IQCK: variants seen among roughly 807,000 people sequenced by gnomAD.
IQCK encodes the protein IQ domain-containing protein K.
A neutral mutation model predicts 28.1 loss-of-function variants in IQCK; 29 were observed. The ratio of observed to expected loss-of-function variants is 1.03; its 90% confidence interval spans 0.77 to 1.41. The LOEUF (loss-of-function observed/expected upper bound fraction) is 1.41, where lower values mean the gene tolerates loss of function less well. IQCK is among the 40% of genes most tolerant of loss of function. The pLI is 0.00. For missense variants in IQCK, 359 were observed against 314.7 expected, an observed-to-expected ratio of 1.14 and a Z score of -1.07; for synonymous variants, 113 against 115.1, an observed-to-expected ratio of 0.98 and a Z score of 0.12.
intron 4 of IQCK, among the ~76,000 whole-genome samples, chr16:19,762,783 G>A (rs2055167639): frequency 6.6e-6 from 1 of 152,150 alleles, no homozygotes; most frequent in Non-Finnish European, 1.5e-5. Flanking sequence ...GGGAGGCCAA[G>A]GCAGGGCAGA....
At chr16:19,763,925 C>T (rs2055189266) in intron 5 of IQCK, 25 bp downstream of exon 5, 2 of 1,606,546 alleles carry the variant, frequency 1.2e-6, no homozygotes, top group African/African-American at 1.3e-5. Context: ...TCTGACTATT[C>T]AGTGATCCTA....
chr16:19,834,683 G>A (rs756883218), intron 9 of IQCK, among the ~76,000 whole-genome samples: 3 of 152,194 alleles, frequency 2.0e-5, no homozygotes, highest in Admixed American at 6.5e-5. Flanking sequence ...ACTAAAGCAA[G>A]AAACCAGGGT....
chr16:19,840,365 TAATA>T (rs1337621149), intron 9 of IQCK, among the ~76,000 whole-genome samples: 4 of 151,848 alleles, frequency 2.6e-5, no homozygotes, highest in African/African-American at 9.7e-5. Context: ...CAAAAAATAA[TAATA>T]AAGAAAGAAA....
At chr16:19,765,775 A>G (rs1317813572) in intron 6 of IQCK, among the ~76,000 whole-genome samples, 1 of 152,176 alleles carries the variant, frequency 6.6e-6, no homozygotes, top group African/African-American at 2.4e-5. Context: ...TTTATCCGCT[A>G]TGAAATGTAT....
In IQCK at chr16:19,726,825, T is replaced by C. The variant is rs149722212; in HGVS notation, c.182-3605T>C. Among the ~76,000 whole-genome samples, 1,374 of 152,256 alleles carry C rather than the reference T, an allele frequency of 9.0e-3. 22 individuals are homozygous for C. Among genetic ancestry groups the C allele is most frequent in the African/African-American group, 0.031 (1,307 of 41,558 alleles). On this transcript the variant is annotated intron_variant, in intron 1 of 7. Transcript: ENST00000564186. ...CCAGGCACTTCCCTTACCAAACATA[T>C]AGCCTATTAGAAAAGATAGTCATTA...
At chr16:19,784,250 TCTC>T (rs1487106931) in intron 6 of IQCK, among the ~76,000 whole-genome samples, 1 of 152,098 alleles carries the variant, frequency 6.6e-6, no homozygotes, top group Non-Finnish European at 1.5e-5. Flanking sequence ...TGTGTTTTCT[TCTC>T]CTTAACACTC....
chr16:19,843,224 C>G (rs2056380774), intron 9 of IQCK, among the ~76,000 whole-genome samples: 2 of 152,106 alleles, frequency 1.3e-5, no homozygotes, highest in African/African-American at 4.8e-5. Context: ...ATATATCATG[C>G]AATTCAAAGT....
intron 7 of IQCK, among the ~76,000 whole-genome samples, chr16:19,801,132 G>C (rs1402105447): frequency 7.1e-6 from 1 of 141,362 alleles, no homozygotes; most frequent in Non-Finnish European, 1.5e-5. Flanking sequence ...GTATTTCATA[G>C]TCTTTCTAAT....
At chr16:19,822,259 G>T (rs186459979) in intron 7 of IQCK, among the ~76,000 whole-genome samples, 1 of 151,134 alleles carries the variant, frequency 6.6e-6, no homozygotes, top group Non-Finnish European at 1.5e-5. Context: ...GGTGGCAGGT[G>T]CCTGTAATCC....
intron 6 of IQCK, among the ~76,000 whole-genome samples, chr16:19,775,875 T>TTTTC (rs2055386655): frequency 1.6e-5 from 2 of 127,200 alleles, no homozygotes; most frequent in Non-Finnish European, 3.3e-5. Context: ...GCTTTTTTTT[T>TTTTC]TTTTTTTTTT....
rs747677915 is a variant in IQCK, at chr16:19,730,505, C to T, written c.246+11C>T. 2.2e-5 allele frequency: 35 copies of T among 1,583,842 alleles called. No individual in the cohort carries two copies. In the Admixed American group the frequency reaches 6.4e-4, roughly 29 times the overall value. On this transcript the variant is annotated intron_variant, in intron 2 of 7. Transcript: ENST00000564186. The stretch of plus-strand genomic sequence containing the variant: ...GAGCCTGTGATTACGGTGAGTATTA[C>T]CTAGGCCTCAACCGAAGCAAGAAGC...
chr16:19,779,699 C>CTTAT (rs945948064), intron 6 of IQCK, among the ~76,000 whole-genome samples: 9 of 151,054 alleles, frequency 6.0e-5, no homozygotes, highest in African/African-American at 1.7e-4. Context: ...TTAATTTTTA[C>CTTAT]TTATTTATTT....
At chr16:19,818,346 TTG>T (rs373750645) in intron 7 of IQCK, among the ~76,000 whole-genome samples, 212 of 150,386 alleles carry the variant, frequency 1.4e-3, no homozygotes, top group African/African-American at 4.2e-3. Context: ...ACACACTACT[TTG>T]TGTGTGTGTG....
chr16:19,827,500 A>G (rs957341735), downstream of IQCK, among the ~76,000 whole-genome samples: 1 of 152,136 alleles, frequency 6.6e-6, no homozygotes, highest in Admixed American at 6.6e-5. Flanking sequence ...CTGAACTCAG[A>G]TGGTATTTTA....
chr16:19,853,422 G>C (rs2056511348), intron 9 of IQCK, among the ~76,000 whole-genome samples: 1 of 152,180 alleles, frequency 6.6e-6, no homozygotes, highest in Non-Finnish European at 1.5e-5. Flanking sequence ...TCCCAAGCAA[G>C]GTCAACACGT....
Position 19,793,658 on chromosome 16 carries a change from T to TG in IQCK, c.690+4736_690+4737insG, listed in dbSNP as rs1567559613. Reference sequence around the variant, plus strand: ...TCTCAGTTGGGTTTTTTTTTTTTTTTTTTTTTTTTTTTTTTGTGAAATTAA... The same window carrying TG: ...TCTCAGTTGGGTTTTTTTTTTTTTTTGTTTTTTTTTTTTTTTGTGAAATTAA... On this transcript the variant is annotated intron_variant, in intron 7 of 7. Transcript: ENST00000564186. 7.1e-4 allele frequency among the ~76,000 whole-genome samples: 94 copies of TG among 132,602 alleles called. 3 individuals are homozygous for TG. The highest frequency in any genetic ancestry group is 2.9e-3 in the African/African-American group (90 of 30,670). 87.0% of individuals were successfully genotyped at this position (132,602 alleles called of 152,430 possible). A position where few individuals can be genotyped will look rare whatever the true frequency, so the allele number is the denominator to read the frequency against.
chr16:19,854,081 C>G (rs2056522626), intron 9 of IQCK, among the ~76,000 whole-genome samples: 1 of 152,214 alleles, frequency 6.6e-6, no homozygotes, highest in African/African-American at 2.4e-5. Context: ...TCAACCCTGG[C>G]TGAACCTTAG....
chr16:19,761,223 T>G, intron 4 of IQCK: 1 of 353,946 alleles, frequency 2.8e-6, no homozygotes, highest in South Asian at 2.1e-5. Context: ...CACGTGCCTC[T>G]GACATTTCCA....
intron 6 of IQCK, among the ~76,000 whole-genome samples, chr16:19,770,008 G>A (rs923003856): frequency 5.9e-5 from 9 of 152,172 alleles, no homozygotes; most frequent in Non-Finnish European, 1.0e-4. Flanking sequence ...AGAAGAGCAA[G>A]TGCAAGGGTT....
Sources: gnomAD v4.1 joint callset for allele counts (sites outside exome capture counted in the v4.1 genomes callset) on GRCh38, gnomAD v4.1.1 for gene constraint, MANE v1.5 for transcripts, NCBI Gene and HGNC (gene_info 2026-07-23, HGNC 2026-07-21) for gene names.